Variants in CSMD1 observed in about 807,000 individuals in gnomAD.
CSMD1 encodes the protein CUB and Sushi multiple domains 1.
A neutral mutation model predicts 417.5 loss-of-function variants in CSMD1; 213 were observed. That is an observed-to-expected ratio of 0.51 (90% CI 0.46 to 0.57). CSMD1 has a LOEUF of 0.57. Among genes scored for constraint, CSMD1 ranks in the 20% least tolerant of loss-of-function variants. The pLI is 0.00. For missense variants in CSMD1, 6,923 were observed against 4,529.7 expected (o/e 1.53, Z -15.17); for synonymous variants, 2,862 against 1,736.8 (o/e 1.65, Z -16.11).
At chr8:4,725,194 G>C (rs569782889) in intron 1 of CSMD1, among the ~76,000 whole-genome samples, 2 of 152,084 alleles carry the variant, frequency 1.3e-5, no homozygotes, top group Admixed American at 6.6e-5. Flanking sequence ...AGAGAATAAA[G>C]ATGAAAAGGT....
chr8:4,253,043 C>G (rs1417407703), intron 3 of CSMD1, among the ~76,000 whole-genome samples: 2 of 152,118 alleles, frequency 1.3e-5, no homozygotes, highest in African/African-American at 2.4e-5. Context: ...TTTTCATGTG[C>G]CAACGTCTTA....
At chr8:3,810,184 C>T (rs892216150) in intron 5 of CSMD1, among the ~76,000 whole-genome samples, 7 of 152,208 alleles carry the variant, frequency 4.6e-5, no homozygotes, top group African/African-American at 1.7e-4. Flanking sequence ...GTGCTCCATA[C>T]ATGTCCAATG....
chr8:3,270,902 T>G (rs1585872673), intron 26 of CSMD1, among the ~76,000 whole-genome samples: 1 of 82,940 alleles, frequency 1.2e-5, no homozygotes. Context: ...GCAAGTCACA[T>G]CTTTTTTTCT....
chr8:4,273,227 A>G (rs1343236971), intron 3 of CSMD1, among the ~76,000 whole-genome samples: 1 of 152,170 alleles, frequency 6.6e-6, no homozygotes, highest in Non-Finnish European at 1.5e-5. Context: ...TCTTTCTCAT[A>G]AAATATAACT....
chr8:3,565,203 T>C (rs1420705853), intron 10 of CSMD1, among the ~76,000 whole-genome samples: 1 of 106,870 alleles, frequency 9.4e-6, no homozygotes, highest in South Asian at 3.0e-4. Context: ...GATAGACAGA[T>C]AGATAGATAG....
chr8:4,225,540 T>C (rs1801297431), intron 3 of CSMD1, among the ~76,000 whole-genome samples: 1 of 152,262 alleles, frequency 6.6e-6, no homozygotes, highest in South Asian at 2.1e-4. Flanking sequence ...GCCTCTATTT[T>C]TTCTTCTTCC....
In CSMD1 at chr8:3,178,481, G is replaced by C. The variant is rs534147094; in HGVS notation, c.5725+2629C>G. Among the ~76,000 whole-genome samples the C allele has an allele frequency of 1.8e-4, 28 of 152,126 alleles. No homozygotes were observed. In the South Asian group the frequency reaches 5.4e-3, roughly 29 times the overall value. ...CATCTATACGTCACCTTCCTGGTAG[G>C]GTAGTCTGGATACCTCGCAAGGTGC... On this transcript the variant is annotated intron_variant, in intron 37 of 69. Coordinates refer to ENST00000635120, the MANE Select transcript of CSMD1 (RefSeq NM_033225.6).
At chr8:4,805,873 A>G (rs1170480011) in intron 1 of CSMD1, among the ~76,000 whole-genome samples, 1 of 152,138 alleles carries the variant, frequency 6.6e-6, no homozygotes, top group Non-Finnish European at 1.5e-5. Flanking sequence ...ATGCTAAATT[A>G]TTGTGAACGT....
chr8:3,492,213 G>T (rs1818422693), intron 11 of CSMD1, among the ~76,000 whole-genome samples: 1 of 152,108 alleles, frequency 6.6e-6, no homozygotes, highest in Admixed American at 6.5e-5. Flanking sequence ...TTGCTTCAGT[G>T]GAGTGTTATT....
chr8:4,308,913 A>T (rs1798404500), intron 3 of CSMD1, among the ~76,000 whole-genome samples: 1 of 152,202 alleles, frequency 6.6e-6, no homozygotes, highest in African/African-American at 2.4e-5. Flanking sequence ...GAAAATATCA[A>T]AGGTCCATTT....
At chr8:4,991,322 C>G (rs1002272654) in intron 1 of CSMD1, among the ~76,000 whole-genome samples, 7 of 152,126 alleles carry the variant, frequency 4.6e-5, no homozygotes, top group African/African-American at 1.7e-4. Flanking sequence ...CATTAATAAT[C>G]CAGAAGAAAA....
intron 2 of CSMD1, among the ~76,000 whole-genome samples, chr8:4,467,738 C>A (rs917062258): frequency 6.6e-6 from 1 of 152,080 alleles, no homozygotes; most frequent in Admixed American, 6.6e-5. Flanking sequence ...AATGGTAAAG[C>A]TAAAGCTAAC....
At chr8:3,452,883 G>A (rs968195821) in intron 12 of CSMD1, among the ~76,000 whole-genome samples, 1 of 152,196 alleles carries the variant, frequency 6.6e-6, no homozygotes, top group South Asian at 2.1e-4. Context: ...AATAGTTTCA[G>A]AAGGAATGGT....
intron 16 of CSMD1, among the ~76,000 whole-genome samples, chr8:3,397,788 A>C (rs1047612980): frequency 1.3e-5 from 2 of 152,182 alleles, no homozygotes; most frequent in Non-Finnish European, 2.9e-5. Flanking sequence ...ATGACGTTGG[A>C]AACAGAAACA....
chr8:3,714,487 C>G (rs544481584), intron 6 of CSMD1, among the ~76,000 whole-genome samples: 63 of 143,598 alleles, frequency 4.4e-4, no homozygotes, highest in African/African-American at 1.5e-3. Context: ...CTTTGGGAGG[C>G]TGAGACAGGG....
chr8:4,625,011 C>T (rs1802016464), intron 2 of CSMD1, among the ~76,000 whole-genome samples: 1 of 152,094 alleles, frequency 6.6e-6, no homozygotes, highest in South Asian at 2.1e-4. Context: ...AGCGTGCTTG[C>T]CGCTTATACC....
chr8:4,270,391 C>G (rs1804511308), intron 3 of CSMD1, among the ~76,000 whole-genome samples: 1 of 152,156 alleles, frequency 6.6e-6, no homozygotes, highest in African/African-American at 2.4e-5. Context: ...CATCCATGAT[C>G]TCCCTCGGCC....
At chr8:4,415,937 C>G (rs945114160) in intron 3 of CSMD1, among the ~76,000 whole-genome samples, 11 of 152,168 alleles carry the variant, frequency 7.2e-5, no homozygotes, top group African/African-American at 2.4e-4. Flanking sequence ...TTTCTGCTTT[C>G]ATTCCCTAGC....
intron 67 of CSMD1, 31 bp from the exon 68 acceptor site, chr8:2,949,417 A>T (rs200448663): frequency 4.5e-6 from 1 of 221,918 alleles, no homozygotes; most frequent in Non-Finnish European, 7.5e-6. Flanking sequence ...GAAAAGAAAT[A>T]AAAAGGTATA....
Sources: gnomAD v4.1 joint callset for allele counts (sites outside exome capture counted in the v4.1 genomes callset) on GRCh38, gnomAD v4.1.1 for gene constraint, MANE v1.5 for transcripts, NCBI Gene and HGNC (gene_info 2026-07-23, HGNC 2026-07-21) for gene names.